TK2: variants seen among roughly 807,000 people sequenced by gnomAD.
TK2 encodes thymidine kinase 2, mitochondrial.
A neutral mutation model predicts 41.9 loss-of-function variants in TK2; 35 were observed. That is an observed-to-expected ratio of 0.84 (90% CI 0.64 to 1.11). The LOEUF (loss-of-function observed/expected upper bound fraction) is 1.11, where lower values mean the gene tolerates loss of function less well. TK2 is among the 50% of genes least tolerant of loss of function. The probability of loss-of-function intolerance (pLI) is 0.00; values close to 1 mark genes in which losing one functional copy is unlikely to be tolerated. For synonymous variants in TK2, 128 were observed against 129.1 expected, an observed-to-expected ratio of 0.99 and a Z score of 0.06; for missense variants, 320 against 351.1, an observed-to-expected ratio of 0.91 and a Z score of 0.71.
chr16:66,548,619 G>A lies in TK2; in HGVS notation c.156+359C>T, dbSNP rs542807760. The stretch of plus-strand genomic sequence containing the variant: ...AACACTGGGGGGAGAGGGTGGTGGT[G>A]GACAGAGCTTCCCTCACATCTGAGC... On this transcript the variant is annotated intron_variant, in intron 2 of 9. Coordinates refer to ENST00000544898, the MANE Select transcript of TK2 (RefSeq NM_004614.5). 51 of 280,062 alleles carry A rather than the reference G, an allele frequency of 1.8e-4. 1 individual carries two copies. The South Asian group carries it at 2.0e-3, about 11-fold the overall frequency. The allele number at this position is 280,062 out of a possible 1,614,324, so 17.3% of individuals were successfully genotyped here.
chr16:66,521,480 T>G (rs1470309020), intron 6 of TK2, among the ~76,000 whole-genome samples: 2 of 152,184 alleles, frequency 1.3e-5, no homozygotes, highest in South Asian at 2.1e-4. Context: ...TGGCCTCCCA[T>G]GGGCAGGGTC....
chr16:66,521,962 G>A (rs1315840853), intron 6 of TK2, among the ~76,000 whole-genome samples: 1 of 152,212 alleles, frequency 6.6e-6, no homozygotes, highest in East Asian at 1.9e-4. Context: ...TGTGCGGAAT[G>A]GAATGGAAGA....
intron 2 of TK2, among the ~76,000 whole-genome samples, chr16:66,547,684 C>T (rs1210697118): frequency 6.6e-6 from 1 of 151,920 alleles, no homozygotes; most frequent in Non-Finnish European, 1.5e-5. Flanking sequence ...GACAGACCTC[C>T]CCCATCAGAC....
At chr16:66,522,947 G>A (rs948428593) in intron 6 of TK2, among the ~76,000 whole-genome samples, 2 of 152,140 alleles carry the variant, frequency 1.3e-5, no homozygotes, top group African/African-American at 2.4e-5. Flanking sequence ...CAGCCCTCTC[G>A]AATCCCTGGT....
intron 2 of TK2, 93 bp downstream of exon 2, chr16:66,548,885 T>C (rs1229617986): frequency 4.1e-5 from 52 of 1,256,456 alleles, no homozygotes; most frequent in Non-Finnish European, 5.8e-5. Flanking sequence ...CTTTTTACTA[T>C]GGAATGTATT....
intron 4 of TK2, among the ~76,000 whole-genome samples, chr16:66,532,162 C>A (rs913593811): frequency 6.7e-6 from 1 of 149,892 alleles, no homozygotes; most frequent in Non-Finnish European, 1.5e-5. Flanking sequence ...AAAGACTCCA[C>A]CAAACAACTG....
chr16:66,508,024 G>A lies in TK2; in HGVS notation c.*3944C>T, dbSNP rs1964343099. 6.6e-6 allele frequency: 1 copy of A among 152,104 alleles called. No homozygotes were observed. The highest frequency in any genetic ancestry group is 1.5e-5 in the Non-Finnish European group (1 of 68,020). 9.4% of individuals were successfully genotyped at this position (152,104 alleles called of 1,614,324 possible). On this transcript the variant is annotated 3_prime_UTR_variant, in exon 10 of 10. Coordinates refer to ENST00000544898, the MANE Select transcript of TK2 (RefSeq NM_004614.5). Reference sequence around the variant, plus strand: ...CATGTGAATGGAAAATGGTTTATTTGACCACTCTCTTATGTATGCATCTTT... The same window carrying A: ...CATGTGAATGGAAAATGGTTTATTTAACCACTCTCTTATGTATGCATCTTT...
At chr16:66,513,596 C>A in intron 9 of TK2, 135 bp downstream of exon 9, 1 of 816,308 alleles carries the variant, frequency 1.2e-6, no homozygotes, top group Non-Finnish European at 2.0e-6. Flanking sequence ...AGAGCACCAG[C>A]CTTCCCACCT....
chr16:66,516,173 A>G (rs1964606060), intron 8 of TK2, among the ~76,000 whole-genome samples: 1 of 145,508 alleles, frequency 6.9e-6, no homozygotes, highest in South Asian at 2.4e-4. Flanking sequence ...ATGATCACAG[A>G]AAGCCAGGGG....
At chr16:66,534,320 C>G (rs1442715970) in intron 4 of TK2, among the ~76,000 whole-genome samples, 1 of 152,138 alleles carries the variant, frequency 6.6e-6, no homozygotes, top group Non-Finnish European at 1.5e-5. Context: ...ATAAAATCAC[C>G]AAGGAACATG....
At chr16:66,546,354 G>A (rs1290335591) in intron 2 of TK2, among the ~76,000 whole-genome samples, 1 of 152,180 alleles carries the variant, frequency 6.6e-6, no homozygotes, top group Non-Finnish European at 1.5e-5. Context: ...GGTGAATTTT[G>A]TGGTATGCAA....
intron 3 of TK2, among the ~76,000 whole-genome samples, chr16:66,539,123 T>A (rs1156313575): frequency 6.6e-6 from 1 of 152,126 alleles, no homozygotes; most frequent in Admixed American, 6.5e-5. Flanking sequence ...GGGTCCAAGG[T>A]CTTCAGTGAG....
chr16:66,527,252 C>T (rs1301422341), intron 6 of TK2, among the ~76,000 whole-genome samples: 1 of 152,224 alleles, frequency 6.6e-6, no homozygotes, highest in Non-Finnish European at 1.5e-5. Context: ...GGCCAGGACT[C>T]ACCTTGGCTG....
Position 66,511,876 on chromosome 16 carries a change from C to T in TK2, c.*92G>A. 9.0e-7 allele frequency: 1 copy of T among 1,110,718 alleles called. No individual in the cohort carries two copies. The highest frequency in any genetic ancestry group is 1.4e-6 in the Non-Finnish European group (1 of 729,158). 68.8% of individuals were successfully genotyped at this position (1,110,718 alleles called of 1,614,324 possible). A position where few individuals can be genotyped will look rare whatever the true frequency, so the allele number is the denominator to read the frequency against. On this transcript the variant is annotated 3_prime_UTR_variant, in exon 10 of 10. Transcript: ENST00000544898. ...AAATCAAGCTGGCCAGACACAAAGC[C>T]CTCCTGGGAGCAAGTTTTTCCAGAT...
intron 6 of TK2, among the ~76,000 whole-genome samples, chr16:66,526,922 G>A (rs533260545): frequency 4.6e-5 from 7 of 152,344 alleles, no homozygotes; most frequent in African/African-American, 1.2e-4. Flanking sequence ...GTCTCGCTCT[G>A]TTGCCCAGGC....
intron 4 of TK2, among the ~76,000 whole-genome samples, chr16:66,533,100 T>C (rs1442147034): frequency 6.6e-6 from 1 of 151,518 alleles, no homozygotes; most frequent in Non-Finnish European, 1.5e-5. Context: ...AACAGAGTCT[T>C]GCTCTGTCAC....
chr16:66,537,117 G>C (rs1304665744), intron 3 of TK2, 100 bp from the exon 4 acceptor site: 3 of 1,541,804 alleles, frequency 1.9e-6, no homozygotes, highest in Non-Finnish European at 2.7e-6. Context: ...GGGAAAAAGA[G>C]AGAAAAAGAC....
rs556848444 is a variant in TK2, at chr16:66,514,937, T to C, written c.619-1126A>G. Among the ~76,000 whole-genome samples the C allele has an allele frequency of 7.9e-4, 121 of 152,316 alleles. No individual in the cohort carries two copies. Among genetic ancestry groups the C allele is most frequent in the African/African-American group, 2.8e-3 (116 of 41,566 alleles). Reference sequence around the variant, plus strand: ...TAAATGGATTAAGGGCGATGCAAGATGTGCTTTGTTAAACAGATGCTTGAA... The same window carrying C: ...TAAATGGATTAAGGGCGATGCAAGACGTGCTTTGTTAAACAGATGCTTGAA... On this transcript the variant is annotated intron_variant, in intron 8 of 9. Transcript: ENST00000544898. The surrounding 1 kb of genome is among the most constrained non-coding windows in gnomAD (Gnocchi z 4.2).
chr16:66,530,985 A>C (rs371688427), intron 5 of TK2, among the ~76,000 whole-genome samples: 2 of 152,190 alleles, frequency 1.3e-5, no homozygotes, highest in South Asian at 4.1e-4. Flanking sequence ...AGCCTCCCAA[A>C]GTGCTGGGAT....
Sources: allele counts gnomAD v4.1 joint callset (sites outside exome capture counted in the v4.1 genomes callset), GRCh38; gene constraint gnomAD v4.1.1; non-coding constraint Gnocchi (gnomAD v3.1); transcripts MANE v1.5; gene names NCBI Gene and HGNC (gene_info 2026-07-23, HGNC 2026-07-21).